Variants in C4orf51 observed in about 807,000 individuals in gnomAD.
C4orf51 encodes the protein uncharacterized protein C4orf51.
C4orf51 carries 25 observed loss-of-function variants against 25.2 expected under a neutral mutation model. That is an observed-to-expected ratio of 0.99 (90% CI 0.72 to 1.39). C4orf51 has a LOEUF of 1.39. Ranked by LOEUF, C4orf51 falls within the 40% of genes most tolerant of loss-of-function variation. C4orf51 has a pLI of 0.00. For synonymous variants in C4orf51, 100 were observed against 84.5 expected (o/e 1.18, Z -1.01); for missense variants, 252 against 239.6 (o/e 1.05, Z -0.34).
At chr4:145,739,646 C>A (rs1017073512) in intron 1 of C4orf51, among the ~76,000 whole-genome samples, 15 of 152,164 alleles carry the variant, frequency 9.9e-5, no homozygotes, top group Non-Finnish European at 1.6e-4. Context: ...AGTATAAGGA[C>A]AATAGAATAA....
chr4:145,692,009 A>G (rs1729608331), intron 1 of C4orf51, among the ~76,000 whole-genome samples: 1 of 88,810 alleles, frequency 1.1e-5, no homozygotes, highest in South Asian at 3.3e-4. Flanking sequence ...TGCTCTTTAG[A>G]AAAAGTTTGG....
At chr4:145,683,279 TC>T (rs1021904449) in intron 1 of C4orf51, among the ~76,000 whole-genome samples, 1 of 152,198 alleles carries the variant, frequency 6.6e-6, no homozygotes, top group Non-Finnish European at 1.5e-5. Flanking sequence ...GAGAGATTTT[TC>T]CATGTCCATG....
In C4orf51 at chr4:145,696,636, A is replaced by G. The variant is rs756076818; in HGVS notation, c.307+4A>G. The G allele has an allele frequency of 2.0e-5, 32 of 1,609,540 alleles. No homozygotes were observed. The highest frequency in any genetic ancestry group is 2.7e-5 in the Non-Finnish European group (32 of 1,177,042). ...CAAGAGACTACAGATATCAAAGGTA[A>G]GTGCAACATGATCAGTTTCTGGGCC... On this transcript the variant is annotated splice_donor_region_variant and intron_variant, in intron 2 of 5. Transcript: ENST00000438731.
chr4:145,725,478 G>A (rs977537442), intron 2 of C4orf51, among the ~76,000 whole-genome samples: 1 of 152,116 alleles, frequency 6.6e-6, no homozygotes, highest in African/African-American at 2.4e-5. Flanking sequence ...ACACAGACTT[G>A]CATGTGAATG....
intron 1 of C4orf51, among the ~76,000 whole-genome samples, chr4:145,690,729 A>T (rs1729498182): frequency 6.6e-6 from 1 of 152,164 alleles, no homozygotes; most frequent in Non-Finnish European, 1.5e-5. Context: ...TTTTTAATCT[A>T]TGCATCCAAC....
At chr4:145,758,503 A>T (rs1734134173), downstream of C4orf51, 1 of 152,182 alleles carries the variant, frequency 6.6e-6, no homozygotes, top group Non-Finnish European at 1.5e-5. Flanking sequence ...TCCTGTCATC[A>T]CTGAACTTGT....
At chr4:145,699,575 T>C (rs1730295161) in intron 2 of C4orf51, among the ~76,000 whole-genome samples, 1 of 152,178 alleles carries the variant, frequency 6.6e-6, no homozygotes, top group Admixed American at 6.5e-5. Context: ...GTTTTATCCG[T>C]GGACCCAAAA....
At chr4:145,701,564 A>T (rs548817765) in intron 2 of C4orf51, among the ~76,000 whole-genome samples, 2 of 151,410 alleles carry the variant, frequency 1.3e-5, no homozygotes, top group African/African-American at 2.4e-5. Flanking sequence ...CTGAAGACTG[A>T]TGCTGCCCGA....
chr4:145,772,870 G>C (rs959043490), downstream of C4orf51, among the ~76,000 whole-genome samples: 8 of 152,204 alleles, frequency 5.3e-5, no homozygotes, highest in Non-Finnish European at 4.4e-5. Context: ...CAAGATCTTT[G>C]CTTCATTCCC....
intron 1 of C4orf51, among the ~76,000 whole-genome samples, chr4:145,690,132 G>A (rs1202114712): frequency 1.3e-5 from 2 of 151,204 alleles, no homozygotes; most frequent in African/African-American, 2.4e-5. Context: ...ACTTGAACCC[G>A]GGAGGCGGAG....
At chr4:145,696,673 C>A (rs1180926841) in intron 2 of C4orf51, 41 bp downstream of exon 2, 3 of 1,447,450 alleles carry the variant, frequency 2.1e-6, no homozygotes, top group Non-Finnish European at 1.9e-6. Context: ...AGCCCTTTTG[C>A]CAGGGTTGCT....
intron 1 of C4orf51, among the ~76,000 whole-genome samples, chr4:145,680,764 G>A (rs1246135707): frequency 6.6e-6 from 1 of 152,096 alleles, no homozygotes; most frequent in Non-Finnish European, 1.5e-5. Context: ...TTCTTGTTTG[G>A]TTTTCTGGCT....
intron 2 of C4orf51, among the ~76,000 whole-genome samples, chr4:145,721,118 G>A (rs1731713720): frequency 6.6e-6 from 1 of 151,868 alleles, no homozygotes; most frequent in Non-Finnish European, 1.5e-5. Flanking sequence ...AGGCTGAGGT[G>A]GGCGGATCAC....
chr4:145,705,991 C>T (rs939517263), intron 2 of C4orf51, among the ~76,000 whole-genome samples: 1 of 152,146 alleles, frequency 6.6e-6, no homozygotes, highest in African/African-American at 2.4e-5. Flanking sequence ...CAGATTTTTA[C>T]ATTACCCATC....
rs755509501 is a variant in C4orf51 at position 145,765,500 on chromosome 4, T to C, written n.167-5488T>C. On this transcript the variant is annotated intron_variant and non_coding_transcript_variant, in intron 1 of 1. Coordinates refer to the C4orf51 transcript ENST00000510096. This position sits in a 1 kb window ranked among gnomAD's most constrained non-coding sequence, Gnocchi z 4.7. ...AGGGCTTATTCTCAAGAATGGGTCA[T>C]CCTGGGTGCGGAGGGTTGAGCAGGC... The C allele has an allele frequency of 1.6e-4, 257 of 1,558,454 alleles. 3 individuals carry two copies. The South Asian group carries it at 2.9e-3, about 18-fold the overall frequency.
chr4:145,754,006 C>A lies in C4orf51; in HGVS notation n.168-201C>A, dbSNP rs998945346. On this transcript the variant is annotated intron_variant and non_coding_transcript_variant, in intron 1 of 1. Coordinates refer to the C4orf51 transcript ENST00000508981. The stretch of plus-strand genomic sequence containing the variant: ...GACACAGTGCTGTCCTTGGCTCTGC[C>A]CAAGACCATCAGTCCTTCTCAAGAG... Among the ~76,000 whole-genome samples, 7 of 152,302 alleles carry A rather than the reference C, an allele frequency of 4.6e-5. 1 individual carries two copies. Among genetic ancestry groups the A allele is most frequent in the Admixed American group, 4.6e-4 (7 of 15,302 alleles).
intron 2 of C4orf51, among the ~76,000 whole-genome samples, chr4:145,702,066 A>G (rs945290388): frequency 8.8e-4 from 134 of 151,714 alleles, no homozygotes; most frequent in Non-Finnish European, 3.1e-4. Context: ...CCCATACCCC[A>G]CTCAACGCCA....
At chr4:145,776,927 A>T in the C4orf51 span, among the ~76,000 whole-genome samples, 458 of 152,336 alleles carry the variant, frequency 3.0e-3, 1 homozygote, top group African/African-American at 0.011. Flanking sequence ...TCGTTTGATT[A>T]ATCAAGCAAA....
intron 2 of C4orf51, among the ~76,000 whole-genome samples, chr4:145,720,774 C>A (rs964331873): frequency 6.6e-6 from 1 of 152,178 alleles, no homozygotes; most frequent in Non-Finnish European, 1.5e-5. Flanking sequence ...AGGAAAGATG[C>A]CCCTGTGGGA....
Sources: allele counts gnomAD v4.1 joint callset (sites outside exome capture counted in the v4.1 genomes callset), GRCh38; gene constraint gnomAD v4.1.1; non-coding constraint Gnocchi (gnomAD v3.1); transcripts MANE v1.5; gene names NCBI Gene and HGNC (gene_info 2026-07-23, HGNC 2026-07-21).